The following NAV3 variants were observed in gnomAD, a reference collection of about 807,000 sequenced individuals.
NAV3 encodes the protein pore membrane and/or filament interacting like protein 1.
A neutral mutation model predicts 244.7 loss-of-function variants in NAV3; 87 were observed. The observed-to-expected ratio is 0.36, with a 90% CI of 0.30 to 0.42. The LOEUF (loss-of-function observed/expected upper bound fraction) is 0.42. Among genes scored for constraint, NAV3 ranks in the 20% least tolerant of loss-of-function variants. The pLI is 1.00. For synonymous variants in NAV3, 1,126 were observed against 1,042.2 expected, an observed-to-expected ratio of 1.08 and a Z score of -1.55; for missense variants, 2,663 against 2,893.3, an observed-to-expected ratio of 0.92 and a Z score of 1.83.
chr12:78,135,186 A>G (rs1460878655), intron 18 of NAV3, among the ~76,000 whole-genome samples: 4 of 152,106 alleles, frequency 2.6e-5, no homozygotes, highest in Non-Finnish European at 5.9e-5. Context: ...TTCTTGTTCT[A>G]TTTTACATAT....
At chr12:77,727,613 G>A (rs1181967276) in intron 2 of NAV3, among the ~76,000 whole-genome samples, 2 of 151,974 alleles carry the variant, frequency 1.3e-5, no homozygotes, top group Admixed American at 1.3e-4. Context: ...GCATGGAGCT[G>A]CACATTGTTC....
chr12:77,745,988 TAA>T (rs35139297), intron 2 of NAV3, among the ~76,000 whole-genome samples: 54 of 107,520 alleles, frequency 5.0e-4, no homozygotes, highest in Admixed American at 9.1e-4. Context: ...AGACTTAAGG[TAA>T]AAAAAAAAAA....
At chr12:77,657,804 T>C (rs1487148095) in intron 2 of NAV3, among the ~76,000 whole-genome samples, 2 of 152,146 alleles carry the variant, frequency 1.3e-5, no homozygotes, top group Non-Finnish European at 2.9e-5. Flanking sequence ...TGGTTCAATA[T>C]ATGCAAATCA....
chr12:77,686,382 C>A (rs1392744659), intron 2 of NAV3, among the ~76,000 whole-genome samples: 1 of 151,378 alleles, frequency 6.6e-6, no homozygotes, highest in African/African-American at 2.4e-5. Flanking sequence ...CGTGAGCCAC[C>A]GTGCCCCACC....
rs572657370 is a variant in NAV3 at position 77,903,837 on chromosome 12, T to C, written c.244-36482T>C. Among the ~76,000 whole-genome samples, 1,246 of 152,222 alleles carry C rather than the reference T, an allele frequency of 8.2e-3. 16 individuals carry two copies. The highest frequency in any genetic ancestry group is 0.044 in the South Asian group (210 of 4,814). ...ACCCCATCAAAAAGTGGGTGAAGGA[T>C]ATGAACAGGCACTTCTCAAAAGAAG... On this transcript the variant is annotated intron_variant, in intron 1 of 39. Transcript: ENST00000397909.
At chr12:78,169,324 A>G (rs1957906715) in intron 24 of NAV3, among the ~76,000 whole-genome samples, 1 of 151,872 alleles carries the variant, frequency 6.6e-6, no homozygotes, top group African/African-American at 2.4e-5. Context: ...TGGAGGCTAT[A>G]AAAAGGTACA....
chr12:77,875,113 A>AAAGAAAATATTTTAAAAATATTTTTAT (rs1881659215), intron 1 of NAV3, among the ~76,000 whole-genome samples: 3 of 152,232 alleles, frequency 2.0e-5, no homozygotes, highest in African/African-American at 4.8e-5. Flanking sequence ...CTTTTATGCA[A>AAAGAAAATATTTTAAAAATATTTTTAT]AAGAAAATAT....
intron 2 of NAV3, among the ~76,000 whole-genome samples, chr12:77,708,052 C>G (rs1018562405): frequency 2.6e-5 from 4 of 152,164 alleles, no homozygotes; most frequent in Admixed American, 2.6e-4. Flanking sequence ...TGCAGAAGCT[C>G]TTTAGTTTAA....
chr12:77,966,305 A>G lies in NAV3; in HGVS notation c.487+4A>G. The stretch of plus-strand genomic sequence containing the variant: ...GTTCAAGGTCTATCTGCTGAAGGTA[A>G]GAAAAAGAATGACTGAATTGTCACA... On this transcript the variant is annotated splice_donor_region_variant and intron_variant, in intron 4 of 39. Coordinates refer to ENST00000397909, the MANE Select transcript of NAV3 (RefSeq NM_001024383.2). 1.2e-6 allele frequency: 2 copies of G among 1,608,070 alleles called. No individual in the cohort carries two copies. Among genetic ancestry groups the G allele is most frequent in the Middle Eastern group, 3.3e-4 (2 of 6,040 alleles).
intron 12 of NAV3, among the ~76,000 whole-genome samples, chr12:78,109,609 G>T (rs1954983714): frequency 6.6e-6 from 1 of 151,906 alleles, no homozygotes; most frequent in Admixed American, 6.6e-5. Flanking sequence ...ACAATCCAGA[G>T]GGTTTGTATC....
chr12:77,940,498 C>A, intron 2 of NAV3, 62 bp downstream of exon 2: 1 of 1,327,718 alleles, frequency 7.5e-7, no homozygotes, highest in Non-Finnish European at 1.1e-6. Flanking sequence ...TGGTAAAGCA[C>A]AACTTAAGTT....
chr12:77,846,872 T>A (rs978908657), intron 1 of NAV3, among the ~76,000 whole-genome samples: 1 of 152,226 alleles, frequency 6.6e-6, no homozygotes, highest in African/African-American at 2.4e-5. Flanking sequence ...CTACCATTTT[T>A]AACCAGTGTT....
At chr12:77,788,898 CTT>C (rs746253995) in intron 2 of NAV3, among the ~76,000 whole-genome samples, 12 of 152,152 alleles carry the variant, frequency 7.9e-5, no homozygotes, top group Non-Finnish European at 4.4e-5. Context: ...GCTCCCCAAA[CTT>C]ATTTCTTCAT....
chr12:77,857,548 A>G (rs1037530420), intron 1 of NAV3, among the ~76,000 whole-genome samples: 3 of 151,880 alleles, frequency 2.0e-5, no homozygotes, highest in South Asian at 2.1e-4. Context: ...ATTTATATTG[A>G]TAAATATTTA....
At position 77,784,614 on chromosome 12, in the gene NAV3, A is replaced by G. The variant is rs1375544373; in HGVS notation, c.73-155705A>G. 5.3e-5 allele frequency among the ~76,000 whole-genome samples: 8 copies of G among 152,270 alleles called. 1 individual carries two copies. The highest frequency in any genetic ancestry group is 2.1e-4 in the South Asian group (1 of 4,828). ...AAGGATAGTTCTTCACCTCTCCTATAAATCTGTGATTGTCATTCTGAATAA... is the reference window on the plus strand; with the variant it reads ...AAGGATAGTTCTTCACCTCTCCTATGAATCTGTGATTGTCATTCTGAATAA... On this transcript the variant is annotated intron_variant, in intron 2 of 8. Coordinates refer to the NAV3 transcript ENST00000550042.
intron 12 of NAV3, among the ~76,000 whole-genome samples, chr12:78,110,792 T>C (rs142140263): frequency 7.1e-4 from 108 of 152,156 alleles, no homozygotes; most frequent in African/African-American, 2.4e-3. Context: ...TTATACATAT[T>C]CCATTTCTGT....
At chr12:78,204,807 A>G (rs1033735598) in intron 38 of NAV3, 128 bp from the exon 39 acceptor site, 1 of 741,174 alleles carries the variant, frequency 1.3e-6, no homozygotes, top group African/African-American at 1.8e-5. Flanking sequence ...CTGTATACAG[A>G]TACTTAATTC....
chr12:78,175,535 C>A (rs1958183725), intron 25 of NAV3, 108 bp downstream of exon 25: 1 of 1,389,796 alleles, frequency 7.2e-7, no homozygotes, highest in Non-Finnish European at 9.7e-7. Context: ...GGGTCCCATT[C>A]AAGCTACTGA....
At chr12:78,126,773 G>A (rs1270136861) in intron 16 of NAV3, among the ~76,000 whole-genome samples, 2 of 152,118 alleles carry the variant, frequency 1.3e-5, no homozygotes, top group East Asian at 3.9e-4. Flanking sequence ...CTGTCAATTG[G>A]AAGTTGTCAC....
Sources: gnomAD v4.1 joint callset for allele counts (sites outside exome capture counted in the v4.1 genomes callset) on GRCh38, gnomAD v4.1.1 for gene constraint, MANE v1.5 for transcripts, NCBI Gene and HGNC (gene_info 2026-07-23, HGNC 2026-07-21) for gene names.